The following C10orf143 variants were observed in gnomAD, a reference collection of about 807,000 sequenced individuals.
The protein encoded by C10orf143 is chromosome 10 open reading frame 143.
chr10:130,088,419 A>C (rs1199713079), intron 1 of C10orf143, among the ~76,000 whole-genome samples: 1 of 152,228 alleles, frequency 6.6e-6, no homozygotes, highest in Non-Finnish European at 1.5e-5. Context: ...ATACCAAAGG[A>C]AATCATTAGA....
chr10:130,077,578 T>C (rs115296920), intron 3 of C10orf143, among the ~76,000 whole-genome samples: 1,851 of 152,362 alleles, frequency 0.012, 36 homozygotes, highest in African/African-American at 0.043. Flanking sequence ...CAGGCCCACG[T>C]GTAAGCAGGC....
intron 1 of C10orf143, chr10:130,107,159 G>T: frequency 6.3e-7 from 1 of 1,591,770 alleles, no homozygotes; most frequent in Non-Finnish European, 8.6e-7. Flanking sequence ...TTTTGAAAGT[G>T]AGAATCAGAA....
chr10:130,096,936 A>AAT (rs913865493), intron 1 of C10orf143, among the ~76,000 whole-genome samples: 8 of 150,286 alleles, frequency 5.3e-5, no homozygotes, highest in South Asian at 4.2e-4. Flanking sequence ...GTATCCAGAA[A>AAT]ATATATATAT....
chr10:130,046,230 C>T (rs1860670828), intron 3 of C10orf143, among the ~76,000 whole-genome samples: 1 of 149,840 alleles, frequency 6.7e-6, no homozygotes. Context: ...GCGGGTGGGG[C>T]GAGGCTCGGC....
At chr10:130,040,079 C>T (rs1228974943) in intron 3 of C10orf143, among the ~76,000 whole-genome samples, 2 of 152,154 alleles carry the variant, frequency 1.3e-5, no homozygotes, top group African/African-American at 4.8e-5. Flanking sequence ...GGGCTGAGTG[C>T]ACTCATCAGC....
intron 1 of C10orf143, among the ~76,000 whole-genome samples, chr10:130,088,857 C>A (rs1056170416): frequency 6.6e-6 from 1 of 152,152 alleles, no homozygotes; most frequent in Non-Finnish European, 1.5e-5. Flanking sequence ...AGGTTTCTTT[C>A]TATGACATTT....
At chr10:130,106,100 C>A (rs770848262) in intron 1 of C10orf143, 5 of 631,620 alleles carry the variant, frequency 7.9e-6, no homozygotes, top group Admixed American at 2.0e-5. Flanking sequence ...CCTGGGGGAG[C>A]CACGCAGGGT....
At chr10:130,060,618 TC>T (rs1195988191), downstream of C10orf143, among the ~76,000 whole-genome samples, 1 of 142,384 alleles carries the variant, frequency 7.0e-6, no homozygotes, top group Non-Finnish European at 1.5e-5. Context: ...GGTCAGGAGA[TC>T]GAGACCATCC....
chr10:130,092,166 A>C (rs1861392607), intron 1 of C10orf143, among the ~76,000 whole-genome samples: 1 of 152,224 alleles, frequency 6.6e-6, no homozygotes, highest in African/African-American at 2.4e-5. Flanking sequence ...AGCCAGAGAG[A>C]AAGGTTGGGT....
At chr10:130,068,003 C>A (rs946061884) in intron 3 of C10orf143, 12 of 152,422 alleles carry the variant, frequency 7.9e-5, no homozygotes, top group African/African-American at 2.9e-4. Flanking sequence ...GCAGCGGCTA[C>A]CAGAACCTGG....
intron 3 of C10orf143, among the ~76,000 whole-genome samples, chr10:130,040,203 C>A (rs1474542842): frequency 6.6e-6 from 1 of 152,248 alleles, no homozygotes; most frequent in Admixed American, 6.5e-5. Context: ...ATGCCCCCAG[C>A]CCCCAGTCCC....
chr10:130,101,585 G>A (rs1386388307), intron 1 of C10orf143, among the ~76,000 whole-genome samples: 1 of 151,714 alleles, frequency 6.6e-6, no homozygotes, highest in African/African-American at 2.4e-5. Context: ...AGATTTTTTT[G>A]ACCGGGCATG....
At chr10:130,090,464 T>C (rs1283226576) in intron 1 of C10orf143, among the ~76,000 whole-genome samples, 1 of 151,878 alleles carries the variant, frequency 6.6e-6, no homozygotes, top group African/African-American at 2.4e-5. Flanking sequence ...GGGCCCTGGG[T>C]TTCAAGCACA....
At chr10:130,059,645 C>T (rs191367715), downstream of C10orf143, among the ~76,000 whole-genome samples, 4 of 152,228 alleles carry the variant, frequency 2.6e-5, no homozygotes, top group Admixed American at 6.5e-5. Flanking sequence ...GTAGGAAACA[C>T]AGGTCAGGGA....
At chr10:130,047,711 A>G (rs1860692879) in intron 3 of C10orf143, among the ~76,000 whole-genome samples, 1 of 152,134 alleles carries the variant, frequency 6.6e-6, no homozygotes, top group South Asian at 2.1e-4. Context: ...ACGTGACCCT[A>G]GCTCCCTGAG....
chr10:130,107,739 A>G lies in C10orf143; in HGVS notation c.69+2965T>C, dbSNP rs559433368. 6.2e-5 allele frequency: 76 copies of G among 1,233,860 alleles called. No individual in the cohort carries two copies. In the African/African-American group the frequency reaches 9.9e-4, roughly 16 times the overall value. The allele number at this position is 1,233,860 out of a possible 1,614,324, so 76.4% of individuals were successfully genotyped here. On this transcript the variant is annotated intron_variant, in intron 1 of 3. Transcript: ENST00000637128. ...TCAAGAGGCCCAGGGAATCCTCTGG[A>G]CCATCAGATTACCAAGGAAAGAGGA...
At chr10:130,107,207 C>G (rs1447863829) in intron 1 of C10orf143, 1 of 1,364,648 alleles carries the variant, frequency 7.3e-7, no homozygotes. Context: ...TGAATTATAT[C>G]AAGAAAATGA....
chr10:130,095,361 T>A (rs935557700), intron 1 of C10orf143, among the ~76,000 whole-genome samples: 9 of 152,178 alleles, frequency 5.9e-5, no homozygotes, highest in African/African-American at 2.2e-4. Context: ...AAAATGGCCA[T>A]ACTGCCCAAA....
At chr10:130,096,324 C>T (rs765393499) in intron 1 of C10orf143, among the ~76,000 whole-genome samples, 84 of 151,924 alleles carry the variant, frequency 5.5e-4, no homozygotes, top group Non-Finnish European at 6.8e-4. Flanking sequence ...GAAATAGGAA[C>T]GTTTTTACAC....
Sources: allele counts gnomAD v4.1 joint callset (sites outside exome capture counted in the v4.1 genomes callset), GRCh38; gene constraint gnomAD v4.1.1; transcripts MANE v1.5; gene names NCBI Gene and HGNC (gene_info 2026-07-23, HGNC 2026-07-21).